Variants in ATP9B observed in about 807,000 individuals in gnomAD.
ATP9B encodes the protein ATPase phospholipid transporting 9B.
A neutral mutation model predicts 146.1 loss-of-function variants in ATP9B; 110 were observed. The observed-to-expected ratio is 0.75, with a 90% CI of 0.65 to 0.88. The LOEUF is 0.88. Among genes scored for constraint, ATP9B ranks in the 40% least tolerant of loss-of-function variants. The probability of loss-of-function intolerance (pLI) is 0.00; values close to 1 mark genes in which losing one functional copy is unlikely to be tolerated. For synonymous variants in ATP9B, 604 were observed against 569.7 expected (o/e 1.06, Z -0.86); for missense variants, 1,499 against 1,496.4 (o/e 1.00, Z -0.03).
At chr18:79,371,658 G>A (rs931782461) in intron 26 of ATP9B, among the ~76,000 whole-genome samples, 2 of 152,214 alleles carry the variant, frequency 1.3e-5, no homozygotes, top group Non-Finnish European at 2.9e-5. Flanking sequence ...TCATGCCTGT[G>A]TCTAAAGGTC....
At chr18:79,072,788 C>T (rs1249368962) in intron 1 of ATP9B, among the ~76,000 whole-genome samples, 2 of 152,022 alleles carry the variant, frequency 1.3e-5, no homozygotes, top group Non-Finnish European at 2.9e-5. Context: ...TGCTTCTCAC[C>T]TCCCAGATGG....
chr18:79,203,677 A>G (rs2095509141), intron 9 of ATP9B, among the ~76,000 whole-genome samples: 1 of 152,188 alleles, frequency 6.6e-6, no homozygotes, highest in Admixed American at 6.5e-5. Context: ...GTAGATAAAA[A>G]TTTTATTGCT....
chr18:79,242,270 T>C (rs1294897620), intron 11 of ATP9B, among the ~76,000 whole-genome samples: 4 of 152,230 alleles, frequency 2.6e-5, no homozygotes, highest in African/African-American at 9.6e-5. Context: ...TGATAAGCCA[T>C]AGTCAGGGCA....
At chr18:79,098,060 A>G (rs1169918910) in intron 2 of ATP9B, among the ~76,000 whole-genome samples, 1 of 151,342 alleles carries the variant, frequency 6.6e-6, no homozygotes, top group Non-Finnish European at 1.5e-5. Flanking sequence ...AATGGAACAG[A>G]ACAGAGCCCT....
rs147127430 is a variant in ATP9B at position 79,176,817 on chromosome 18, G to A, written c.783G>A (p.Ser261=). The A allele has an allele frequency of 1.7e-4, 267 of 1,613,666 alleles. No homozygotes were observed. Among genetic ancestry groups the A allele is most frequent in the Non-Finnish European group, 2.1e-4 (249 of 1,179,856 alleles). ...TTTTTATTCTCTACTTCCAAGGTTC[G>A]TGTTTTATTCGAACTGATCAACTAG... ...VFLRTSEKAG[S]CFIRTDQLDG... Residue 261 remains serine, a synonymous_variant, in exon 8 of 30, where the codon TCG becomes TCA. Transcript: ENST00000426216.
At chr18:79,200,794 T>TGGG (rs2095478668) in intron 9 of ATP9B, among the ~76,000 whole-genome samples, 1 of 918 alleles carries the variant, frequency 1.1e-3, no homozygotes, top group African/African-American at 3.3e-3. Context: ...GTGGTGGAAT[T>TGGG]GTTTTCATCA....
intron 1 of ATP9B, among the ~76,000 whole-genome samples, chr18:79,071,389 A>G (rs370461615): frequency 4.3e-5 from 1 of 23,466 alleles, no homozygotes; most frequent in Non-Finnish European, 9.1e-5. Flanking sequence ...CCCTTTTTCT[A>G]TTGTTCTTCC....
intron 17 of ATP9B, among the ~76,000 whole-genome samples, chr18:79,333,547 T>C (rs1455080128): frequency 6.6e-6 from 1 of 152,240 alleles, no homozygotes; most frequent in East Asian, 1.9e-4. Context: ...ACATTGAAAA[T>C]AATGTTTTTG....
At chr18:79,273,537 A>G (rs73001972) in intron 12 of ATP9B, among the ~76,000 whole-genome samples, 9,094 of 152,314 alleles carry the variant, frequency 0.06, 391 homozygotes, top group Non-Finnish European at 0.091. Context: ...TAGAATCCAA[A>G]AAATAAGTCT....
intron 13 of ATP9B, among the ~76,000 whole-genome samples, chr18:79,279,102 C>G (rs940983261): frequency 6.6e-6 from 1 of 152,178 alleles, no homozygotes; most frequent in Admixed American, 6.5e-5. Flanking sequence ...ATCAGGCCAC[C>G]GTGAGCGGCG....
chr18:79,230,882 T>C (rs1233786162), intron 11 of ATP9B, among the ~76,000 whole-genome samples: 7 of 152,318 alleles, frequency 4.6e-5, no homozygotes, highest in African/African-American at 1.7e-4. Flanking sequence ...TCAACTGATA[T>C]ACAACAACGC....
chr18:79,224,958 A>T (rs780432072), intron 11 of ATP9B, among the ~76,000 whole-genome samples: 1 of 152,218 alleles, frequency 6.6e-6, no homozygotes, highest in Non-Finnish European at 1.5e-5. Flanking sequence ...CCCAGGAACC[A>T]CGACCACAGT....
At chr18:79,150,255 T>C (rs1354019147) in intron 6 of ATP9B, among the ~76,000 whole-genome samples, 1 of 152,150 alleles carries the variant, frequency 6.6e-6, no homozygotes, top group Non-Finnish European at 1.5e-5. Context: ...ATCACTTGTA[T>C]ATTGCTTGTG....
At chr18:79,321,470 CCTCCCG>C (rs1476689092) in intron 15 of ATP9B, among the ~76,000 whole-genome samples, 19 of 151,876 alleles carry the variant, frequency 1.3e-4, no homozygotes, top group African/African-American at 4.6e-4. Flanking sequence ...GCAACCTCTG[CCTCCCG>C]GGTTCAAGCG....
rs569110137 is a variant in ATP9B, at chr18:79,070,726, C to T, written c.119+1197C>T. On this transcript the variant is annotated intron_variant, in intron 1 of 29. Coordinates refer to ENST00000426216, the MANE Select transcript of ATP9B (RefSeq NM_198531.5). Reference sequence around the variant, plus strand: ...ACGCACATTCAAGATTTTTTGTCATCTCGGTGGATTGTTCCTTTCATTGTT... The same window carrying T: ...ACGCACATTCAAGATTTTTTGTCATTTCGGTGGATTGTTCCTTTCATTGTT... Among the ~76,000 whole-genome samples the T allele has an allele frequency of 8.5e-5, 13 of 152,142 alleles. No individual in the cohort carries two copies. The East Asian group carries it at 2.1e-3, about 25-fold the overall frequency.
intron 8 of ATP9B, among the ~76,000 whole-genome samples, chr18:79,190,611 T>C (rs950294847): frequency 3.9e-5 from 6 of 152,076 alleles, no homozygotes; most frequent in African/African-American, 1.2e-4. Context: ...TGGTGCGATC[T>C]CGGCTCACTG....
At chr18:79,344,516 C>T (rs910353435) in intron 21 of ATP9B, among the ~76,000 whole-genome samples, 162 bp downstream of exon 21, 4 of 151,900 alleles carry the variant, frequency 2.6e-5, no homozygotes, top group African/African-American at 9.7e-5. Context: ...TGGACCCTGG[C>T]CCAGTGTGTG....
At chr18:79,373,859 C>T in intron 27 of ATP9B, 39 bp from the exon 28 acceptor site, 3 of 1,608,156 alleles carry the variant, frequency 1.9e-6, no homozygotes, top group Non-Finnish European at 2.6e-6. Context: ...GGCTTACACC[C>T]TGCTCGTGTG....
At chr18:79,326,337 T>C (rs583871) in intron 15 of ATP9B, among the ~76,000 whole-genome samples, 2 of 1,846 alleles carry the variant, frequency 1.1e-3, no homozygotes, top group Non-Finnish European at 1.6e-3. Context: ...TCTGTACCCT[T>C]CCTCCCCTCA....
Sources: allele counts gnomAD v4.1 joint callset (sites outside exome capture counted in the v4.1 genomes callset), GRCh38; gene constraint gnomAD v4.1.1; transcripts MANE v1.5; gene names NCBI Gene and HGNC (gene_info 2026-07-23, HGNC 2026-07-21).